PPARGC1A: variants seen among roughly 807,000 people sequenced by gnomAD.
PPARGC1A encodes PPARG coactivator 1 alpha.
In PPARGC1A, 25 loss-of-function variants were observed where a neutral mutation model predicts 88.7. The observed-to-expected ratio is 0.28, with a 90% confidence interval of 0.21 to 0.39. The LOEUF is 0.39. Ranked by LOEUF, PPARGC1A falls within the 10% of genes least tolerant of loss-of-function variation. PPARGC1A has a pLI of 1.00. For synonymous variants in PPARGC1A, 363 were observed against 355.6 expected, an observed-to-expected ratio of 1.02 and a Z score of -0.24; for missense variants, 880 against 968.7, an observed-to-expected ratio of 0.91 and a Z score of 1.22.
At chr4:23,903,493 T>G (rs909642321), upstream of PPARGC1A, among the ~76,000 whole-genome samples, 1 of 152,192 alleles carries the variant, frequency 6.6e-6, no homozygotes, top group Non-Finnish European at 1.5e-5. Context: ...TTGAGTAATG[T>G]TGAGAGCATC....
At chr4:23,802,176 T>C (rs1005619059) in intron 11 of PPARGC1A, 48 bp downstream of exon 11, 71 of 1,612,506 alleles carry the variant, frequency 4.4e-5, no homozygotes, top group Non-Finnish European at 5.9e-5. Flanking sequence ...GCCATAATTT[T>C]TTACATACGT....
At chr4:23,855,798 T>G (rs556042391) in intron 2 of PPARGC1A, among the ~76,000 whole-genome samples, 1 of 152,088 alleles carries the variant, frequency 6.6e-6, no homozygotes, top group East Asian at 1.9e-4. Context: ...TGTGGTAGGG[T>G]GCCAGGTGTT....
At chr4:24,088,797 T>C in the PPARGC1A span, among the ~76,000 whole-genome samples, 1 of 152,140 alleles carries the variant, frequency 6.6e-6, no homozygotes, top group Non-Finnish European at 1.5e-5. Context: ...AAGTTATTAT[T>C]CCATGGGATA....
the PPARGC1A span, among the ~76,000 whole-genome samples, chr4:24,363,063 T>C: frequency 3.3e-5 from 5 of 152,220 alleles, no homozygotes; most frequent in African/African-American, 1.2e-4. Flanking sequence ...TTCTCAAACA[T>C]GGGATTCTTT....
the PPARGC1A span, among the ~76,000 whole-genome samples, chr4:24,308,373 C>T: frequency 7.3e-5 from 11 of 150,200 alleles, no homozygotes; most frequent in East Asian, 9.8e-4. Flanking sequence ...CTTAGAGGTA[C>T]ATTTGAATCA....
chr4:23,905,737 A>G (rs1358100144), upstream of PPARGC1A, among the ~76,000 whole-genome samples: 1 of 152,232 alleles, frequency 6.6e-6, no homozygotes, highest in Non-Finnish European at 1.5e-5. Flanking sequence ...AAATCACTGA[A>G]GTTGAGAGAG....
the PPARGC1A span, among the ~76,000 whole-genome samples, chr4:24,405,091 A>G: frequency 6.6e-6 from 1 of 152,236 alleles, no homozygotes; most frequent in Non-Finnish European, 1.5e-5. Context: ...AAAATAAGTT[A>G]TTCAAAAACA....
the PPARGC1A span, among the ~76,000 whole-genome samples, chr4:23,949,412 T>C: frequency 6.6e-6 from 1 of 152,144 alleles, no homozygotes; most frequent in African/African-American, 2.4e-5. Context: ...CGGCTGGCTA[T>C]AGCTGCCAGC....
At chr4:24,442,985 A>G in the PPARGC1A span, among the ~76,000 whole-genome samples, 2 of 152,124 alleles carry the variant, frequency 1.3e-5, no homozygotes, top group Non-Finnish European at 2.9e-5. Context: ...TTTAAATAAT[A>G]TATTCCCCTT....
the PPARGC1A span, among the ~76,000 whole-genome samples, chr4:24,188,791 C>A: frequency 6.6e-6 from 1 of 152,088 alleles, no homozygotes; most frequent in Non-Finnish European, 1.5e-5. Context: ...AATTCCACTT[C>A]TGGGTATATA....
chr4:24,425,680 G>A, the PPARGC1A span, among the ~76,000 whole-genome samples: 1 of 152,178 alleles, frequency 6.6e-6, no homozygotes, highest in Non-Finnish European at 1.5e-5. Context: ...AACGAAGCCT[G>A]CTGTCCAACA....
chr4:24,178,728 G>C, the PPARGC1A span, among the ~76,000 whole-genome samples: 1 of 152,204 alleles, frequency 6.6e-6, no homozygotes, highest in East Asian at 1.9e-4. Flanking sequence ...CAGCATTTGA[G>C]TGCTGAGCTT....
intron 12 of PPARGC1A, 57 bp downstream of exon 12, chr4:23,801,673 T>G: frequency 6.3e-7 from 1 of 1,584,640 alleles, no homozygotes; most frequent in South Asian, 1.1e-5. Context: ...TTATGTTTGT[T>G]CCCATCTTGA....
At chr4:24,452,662 A>G in the PPARGC1A span, among the ~76,000 whole-genome samples, 1 of 152,164 alleles carries the variant, frequency 6.6e-6, no homozygotes, top group East Asian at 1.9e-4. Context: ...AAATTTTTTC[A>G]TACTCTATTC....
the PPARGC1A span, among the ~76,000 whole-genome samples, chr4:24,032,890 A>G: frequency 6.6e-6 from 1 of 152,230 alleles, no homozygotes; most frequent in African/African-American, 2.4e-5. Flanking sequence ...AGCTGCTCTA[A>G]GTCGCACACA....
At chr4:24,064,405 C>T in the PPARGC1A span, among the ~76,000 whole-genome samples, 1 of 151,452 alleles carries the variant, frequency 6.6e-6, no homozygotes, top group Non-Finnish European at 1.5e-5. Flanking sequence ...GCAATTAATC[C>T]ATCATGTTAA....
intron 2 of PPARGC1A, chr4:23,879,822 C>T (rs1306682181): frequency 6.6e-6 from 1 of 152,138 alleles, no homozygotes; most frequent in Non-Finnish European, 1.5e-5. Flanking sequence ...TCTAAACAGA[C>T]TCTAAACATT....
At chr4:24,101,089 C>G in the PPARGC1A span, among the ~76,000 whole-genome samples, 1 of 152,140 alleles carries the variant, frequency 6.6e-6, no homozygotes, top group Non-Finnish European at 1.5e-5. Flanking sequence ...AATCTCATAT[C>G]GAATTGTAAT....
chr4:24,468,120 T>G, the PPARGC1A span, among the ~76,000 whole-genome samples: 1 of 152,300 alleles, frequency 6.6e-6, no homozygotes, highest in East Asian at 1.9e-4. Context: ...TGGGCTTACA[T>G]AGTGACAGCT....
Sources: gnomAD v4.1 joint callset for allele counts (sites outside exome capture counted in the v4.1 genomes callset) on GRCh38, gnomAD v4.1.1 for gene constraint, MANE v1.5 for transcripts, NCBI Gene and HGNC (gene_info 2026-07-23, HGNC 2026-07-21) for gene names.